The following NR2F1-AS1 variants were observed in gnomAD, a reference collection of about 807,000 sequenced individuals.
NR2F1-AS1 encodes NR2F1 antisense RNA 1.
intron 4 of NR2F1-AS1, among the ~76,000 whole-genome samples, chr5:93,536,929 T>C (rs1751852361): frequency 6.6e-6 from 1 of 152,054 alleles, no homozygotes; most frequent in Admixed American, 6.6e-5. Context: ...GATCTGATGG[T>C]TTTAAAAATG....
intron 4 of NR2F1-AS1, among the ~76,000 whole-genome samples, chr5:93,524,419 T>C (rs1751568218): frequency 1.3e-5 from 2 of 152,118 alleles, no homozygotes; most frequent in Non-Finnish European, 2.9e-5. Context: ...TGGAACCAAG[T>C]TAGAAAACAC....
intron 4 of NR2F1-AS1, among the ~76,000 whole-genome samples, chr5:93,462,401 CTG>C (rs1362996998): frequency 1.3e-5 from 2 of 152,192 alleles, no homozygotes; most frequent in African/African-American, 4.8e-5. Context: ...CCATGTGGAA[CTG>C]TGAGTCCATT....
At chr5:93,440,068 A>G (rs1749529839) in intron 4 of NR2F1-AS1, among the ~76,000 whole-genome samples, 1 of 152,176 alleles carries the variant, frequency 6.6e-6, no homozygotes, top group South Asian at 2.1e-4. Context: ...TTGGAAAGTA[A>G]AAAAGGGAAT....
intron 1 of NR2F1-AS1, among the ~76,000 whole-genome samples, chr5:93,564,993 C>G (rs1347074849): frequency 6.6e-6 from 1 of 152,054 alleles, no homozygotes; most frequent in African/African-American, 2.4e-5. Context: ...TTTTTCCCTA[C>G]AGAAAAGATA....
At chr5:93,411,280 C>T (rs1256001907) in intron 4 of NR2F1-AS1, 4 of 152,232 alleles carry the variant, frequency 2.6e-5, no homozygotes, top group East Asian at 1.9e-4. Flanking sequence ...AGGCTAGCTT[C>T]GATCTTTTCT....
chr5:93,442,986 G>C (rs1179654126), intron 4 of NR2F1-AS1, among the ~76,000 whole-genome samples: 1 of 152,208 alleles, frequency 6.6e-6, no homozygotes, highest in Non-Finnish European at 1.5e-5. Context: ...GGTCCTCACT[G>C]TTAGAAGGAA....
intron 4 of NR2F1-AS1, among the ~76,000 whole-genome samples, chr5:93,449,763 G>T (rs1355960354): frequency 6.6e-6 from 1 of 152,010 alleles, no homozygotes; most frequent in Admixed American, 6.6e-5. Context: ...ACTTCCAAAG[G>T]CCTGCTGACA....
intron 4 of NR2F1-AS1, among the ~76,000 whole-genome samples, chr5:93,418,404 T>C (rs1373863044): frequency 2.6e-5 from 4 of 151,892 alleles, no homozygotes; most frequent in Admixed American, 1.3e-4. Context: ...CTGGACAACA[T>C]GGTGAAACCC....
intron 4 of NR2F1-AS1, among the ~76,000 whole-genome samples, chr5:93,489,241 TAA>T (rs981840465): frequency 2.9e-5 from 4 of 139,860 alleles, no homozygotes; most frequent in Non-Finnish European, 4.7e-5. Flanking sequence ...GAGTATAATT[TAA>T]AAAAAAAAAA....
intron 4 of NR2F1-AS1, among the ~76,000 whole-genome samples, chr5:93,510,610 CT>C (rs1210408399): frequency 1.3e-5 from 2 of 152,124 alleles, no homozygotes; most frequent in East Asian, 3.8e-4. Context: ...CAGCTATTTT[CT>C]TTTAGATATC....
At chr5:93,572,956 C>A (rs1213905379) in intron 1 of NR2F1-AS1, among the ~76,000 whole-genome samples, 1 of 152,194 alleles carries the variant, frequency 6.6e-6, no homozygotes, top group Non-Finnish European at 1.5e-5. Context: ...AGGCTGACCG[C>A]GCAGGGCGGC....
At chr5:93,502,401 G>C (rs1326649692) in intron 4 of NR2F1-AS1, among the ~76,000 whole-genome samples, 5 of 152,158 alleles carry the variant, frequency 3.3e-5, no homozygotes, top group African/African-American at 1.2e-4. Flanking sequence ...TCAACAAAGA[G>C]GTAACCCAAA....
chr5:93,575,996 G>A (rs1580348616), intron 1 of NR2F1-AS1, among the ~76,000 whole-genome samples: 1 of 152,310 alleles, frequency 6.6e-6, no homozygotes, highest in South Asian at 2.1e-4. Context: ...CCGCATGCAT[G>A]TATTCACTTC....
At chr5:93,553,993 T>C (rs1002415132) in intron 3 of NR2F1-AS1, 8 of 152,228 alleles carry the variant, frequency 5.3e-5, no homozygotes, top group African/African-American at 1.7e-4. Context: ...CAGAAATGTA[T>C]AAATACTGTA....
chr5:93,429,124 G>A (rs1749256651), intron 4 of NR2F1-AS1, among the ~76,000 whole-genome samples: 1 of 152,124 alleles, frequency 6.6e-6, no homozygotes, highest in African/African-American at 2.4e-5. Context: ...TGATACTTGA[G>A]CCACTTTTGT....
chr5:93,505,653 C>T (rs1207493513), intron 4 of NR2F1-AS1, among the ~76,000 whole-genome samples: 1 of 152,214 alleles, frequency 6.6e-6, no homozygotes, highest in African/African-American at 2.4e-5. Context: ...GGGGCTTCCA[C>T]CCTCTGAAGC....
At chr5:93,490,433 GTGA>G (rs1393409477) in intron 4 of NR2F1-AS1, among the ~76,000 whole-genome samples, 2 of 151,964 alleles carry the variant, frequency 1.3e-5, no homozygotes, top group East Asian at 3.9e-4. Context: ...GGTGGTCATG[GTGA>G]TGATGGGAGT....
At chr5:93,585,173 C>G (rs1272746750), upstream of NR2F1-AS1, 1 of 1,246,028 alleles carries the variant, frequency 8.0e-7, no homozygotes, top group Non-Finnish European at 1.0e-6. Flanking sequence ...GCGCGCCGCA[C>G]ACGCCGCAGA....
intron 4 of NR2F1-AS1, among the ~76,000 whole-genome samples, chr5:93,521,003 T>C (rs1188187443): frequency 6.6e-6 from 1 of 152,154 alleles, no homozygotes. Context: ...AACAACATGG[T>C]ACTGGTTCAA....
Sources: gnomAD v4.1 joint callset for allele counts (sites outside exome capture counted in the v4.1 genomes callset) on GRCh38, gnomAD v4.1.1 for gene constraint, MANE v1.5 for transcripts, NCBI Gene and HGNC (gene_info 2026-07-23, HGNC 2026-07-21) for gene names.